DYNC1I1: variants seen among roughly 807,000 people sequenced by gnomAD.
DYNC1I1 encodes cytoplasmic dynein 1 intermediate chain 1.
DYNC1I1 carries 43 observed loss-of-function variants against 86.6 expected under a neutral mutation model. The observed-to-expected ratio is 0.50, with a 90% CI of 0.39 to 0.64. The LOEUF (loss-of-function observed/expected upper bound fraction) is 0.64. Ranked by LOEUF, DYNC1I1 falls within the 30% of genes least tolerant of loss-of-function variation. The pLI is 0.00. For synonymous variants in DYNC1I1, 262 were observed against 283.7 expected (o/e 0.92, Z 0.77); for missense variants, 604 against 788.8 (o/e 0.77, Z 2.81).
At chr7:96,033,800 A>C (rs1794869053) in intron 12 of DYNC1I1, among the ~76,000 whole-genome samples, 1 of 152,134 alleles carries the variant, frequency 6.6e-6, no homozygotes, top group South Asian at 2.1e-4. Context: ...ATTTAAGCCT[A>C]GGAGTTCAAG....
chr7:96,087,360 G>A (rs940409794), intron 16 of DYNC1I1, among the ~76,000 whole-genome samples: 7 of 152,142 alleles, frequency 4.6e-5, no homozygotes, highest in African/African-American at 1.7e-4. Flanking sequence ...TTTGTCCCCT[G>A]AGCAAGGCAA....
intron 6 of DYNC1I1, among the ~76,000 whole-genome samples, chr7:95,941,783 G>A (rs1451929983): frequency 2.6e-5 from 4 of 152,134 alleles, no homozygotes; most frequent in African/African-American, 9.7e-5. Context: ...GCCCTGCTTC[G>A]GCTCACACAC....
chr7:95,810,460 A>G lies in DYNC1I1; in HGVS notation c.177A>G (p.Thr59=), dbSNP rs1584243938. The part of the protein sequence containing the change: ...DSDLDRKRRE[T]EALLQSIGIS... The stretch of plus-strand genomic sequence containing the variant: ...ATCTGGATCGCAAACGACGAGAGAC[A>G]GAGGCTTTGCTGCAAAGCATTGGTA... Residue 59 remains threonine (T), a synonymous_variant, in exon 3 of 17, where the codon ACA becomes ACG. Coordinates refer to ENST00000447467, the MANE Select transcript of DYNC1I1 (RefSeq NM_001135556.2). The G allele has an allele frequency of 1.9e-6, 3 of 1,613,080 alleles. No homozygotes were observed. Among genetic ancestry groups the G allele is most frequent in the African/African-American group, 1.3e-5 (1 of 75,002 alleles).
chr7:96,023,759 T>C (rs1441326426), intron 10 of DYNC1I1, among the ~76,000 whole-genome samples: 2 of 152,122 alleles, frequency 1.3e-5, no homozygotes, highest in African/African-American at 4.8e-5. Flanking sequence ...AAGGAGGTGG[T>C]CTGTCTTTGC....
At chr7:95,888,970 G>T (rs928576426) in intron 6 of DYNC1I1, among the ~76,000 whole-genome samples, 2 of 152,146 alleles carry the variant, frequency 1.3e-5, no homozygotes, top group Non-Finnish European at 1.5e-5. Context: ...CAGCCTGGGG[G>T]AATCTCCTTT....
chr7:95,994,078 T>G (rs1193026962), intron 9 of DYNC1I1, among the ~76,000 whole-genome samples: 1 of 152,100 alleles, frequency 6.6e-6, no homozygotes, highest in African/African-American at 2.4e-5. Flanking sequence ...CACTATAGAG[T>G]CCTTCTTGTT....
At chr7:95,958,191 G>A (rs1792769725) in intron 6 of DYNC1I1, among the ~76,000 whole-genome samples, 1 of 152,108 alleles carries the variant, frequency 6.6e-6, no homozygotes, top group South Asian at 2.1e-4. Flanking sequence ...ACCATAGAAA[G>A]ACTCTCAAAG....
At chr7:95,925,770 G>T (rs1791729471) in intron 6 of DYNC1I1, among the ~76,000 whole-genome samples, 1 of 152,150 alleles carries the variant, frequency 6.6e-6, no homozygotes, top group African/African-American at 2.4e-5. Context: ...AACCTTCCTT[G>T]TTTCTTTCTT....
intron 5 of DYNC1I1, among the ~76,000 whole-genome samples, chr7:95,849,507 T>TA (rs1227217997): frequency 5.3e-5 from 8 of 152,038 alleles, no homozygotes; most frequent in Non-Finnish European, 8.8e-5. Context: ...GCCACCTGCA[T>TA]AAAAAAAATT....
At chr7:95,790,015 C>T (rs544337698) in intron 1 of DYNC1I1, among the ~76,000 whole-genome samples, 1 of 152,284 alleles carries the variant, frequency 6.6e-6, no homozygotes, top group Admixed American at 6.5e-5. Context: ...TGGGTTGCAA[C>T]CCATGTTTTA....
At chr7:96,101,447 C>T (rs1791134913), downstream of DYNC1I1, among the ~76,000 whole-genome samples, 1 of 152,140 alleles carries the variant, frequency 6.6e-6, no homozygotes, top group African/African-American at 2.4e-5. Flanking sequence ...GACACCACTG[C>T]AAACATCTAT....
intron 1 of DYNC1I1, among the ~76,000 whole-genome samples, chr7:95,776,346 A>G (rs538719540): frequency 1.3e-5 from 2 of 152,136 alleles, no homozygotes; most frequent in African/African-American, 4.8e-5. Context: ...GCTAATCCTC[A>G]TGAGCTCACA....
At chr7:96,024,594 T>A (rs531843404) in intron 10 of DYNC1I1, among the ~76,000 whole-genome samples, 1 of 152,254 alleles carries the variant, frequency 6.6e-6, no homozygotes, top group South Asian at 2.1e-4. Context: ...TAGTCTCCAT[T>A]TAATAATGCT....
At chr7:96,011,114 G>A (rs1017024867) in intron 10 of DYNC1I1, among the ~76,000 whole-genome samples, 2 of 152,178 alleles carry the variant, frequency 1.3e-5, no homozygotes, top group African/African-American at 4.8e-5. Context: ...CCTGACGAAT[G>A]TAAACACAGT....
intron 6 of DYNC1I1, among the ~76,000 whole-genome samples, chr7:95,967,882 A>C (rs1426281873): frequency 2.0e-5 from 3 of 152,180 alleles, no homozygotes; most frequent in Non-Finnish European, 4.4e-5. Flanking sequence ...TAGTGCAGGC[A>C]GACTGGAGTA....
At chr7:95,924,479 T>A (rs1791691134) in intron 6 of DYNC1I1, among the ~76,000 whole-genome samples, 1 of 152,216 alleles carries the variant, frequency 6.6e-6, no homozygotes, top group South Asian at 2.1e-4. Context: ...GTTACTTTCA[T>A]CTTTTCTTTT....
At chr7:95,836,145 G>A (rs1789082106) in intron 5 of DYNC1I1, among the ~76,000 whole-genome samples, 1 of 151,982 alleles carries the variant, frequency 6.6e-6, no homozygotes, top group Non-Finnish European at 1.5e-5. Context: ...GCTTCCTTCA[G>A]GAGCTCTTTT....
chr7:95,868,195 T>C (rs1790065698), intron 5 of DYNC1I1, among the ~76,000 whole-genome samples: 1 of 152,190 alleles, frequency 6.6e-6, no homozygotes, highest in Non-Finnish European at 1.5e-5. Context: ...GAGCCTGGGC[T>C]CCAGTCACGG....
chr7:95,979,136 C>T (rs1350441578), intron 7 of DYNC1I1, among the ~76,000 whole-genome samples: 1 of 152,166 alleles, frequency 6.6e-6, no homozygotes, highest in Non-Finnish European at 1.5e-5. Flanking sequence ...TATTGAGGCT[C>T]ATTTGAAGTG....
Sources: allele counts gnomAD v4.1 joint callset (sites outside exome capture counted in the v4.1 genomes callset), GRCh38; gene constraint gnomAD v4.1.1; transcripts MANE v1.5; gene names NCBI Gene and HGNC (gene_info 2026-07-23, HGNC 2026-07-21).